ANKFN1: variants seen among roughly 807,000 people sequenced by gnomAD.
ANKFN1 encodes the protein ankyrin repeat and fibronectin type-III domain-containing protein 1.
A neutral mutation model predicts 108.7 loss-of-function variants in ANKFN1; 74 were observed. That is an observed-to-expected ratio of 0.68 (90% CI 0.56 to 0.83). The LOEUF is 0.83. Ranked by LOEUF, ANKFN1 falls within the 40% of genes least tolerant of loss-of-function variation. The pLI is 0.00. For missense variants in ANKFN1, 1,505 were observed against 1,382.3 expected (o/e 1.09, Z -1.41); for synonymous variants, 547 against 516.2 (o/e 1.06, Z -0.81).
chr17:56,181,520 A>C (rs930860340), intron 1 of ANKFN1, among the ~76,000 whole-genome samples: 1 of 152,210 alleles, frequency 6.6e-6, no homozygotes, highest in Non-Finnish European at 1.5e-5. Flanking sequence ...TGACACGACA[A>C]TAAGTGGGAG....
chr17:56,224,343 A>G (rs1172621231), intron 2 of ANKFN1, among the ~76,000 whole-genome samples: 1 of 152,228 alleles, frequency 6.6e-6, no homozygotes, highest in East Asian at 1.9e-4. Flanking sequence ...AGTAAGTAAA[A>G]TTAACATAAA....
At chr17:56,241,106 G>A (rs1055855806) in intron 3 of ANKFN1, among the ~76,000 whole-genome samples, 12 of 151,946 alleles carry the variant, frequency 7.9e-5, no homozygotes, top group Admixed American at 6.6e-4. Context: ...ACACTGTTAT[G>A]TAAGTTTTAA....
At chr17:56,118,356 G>T (rs1218640214) in intron 4 of ANKFN1, among the ~76,000 whole-genome samples, 1 of 152,136 alleles carries the variant, frequency 6.6e-6, no homozygotes, top group African/African-American at 2.4e-5. Context: ...CAGCAGCAAT[G>T]AATGAAAGTT....
At chr17:56,174,887 TC>T (rs1343294026) in intron 1 of ANKFN1, among the ~76,000 whole-genome samples, 1 of 152,176 alleles carries the variant, frequency 6.6e-6, no homozygotes, top group Non-Finnish European at 1.5e-5. Flanking sequence ...TGGGTTTTAC[TC>T]AGGTCAAAAT....
chr17:56,232,238 C>T (rs1430033735), intron 3 of ANKFN1, among the ~76,000 whole-genome samples: 2 of 152,074 alleles, frequency 1.3e-5, no homozygotes, highest in African/African-American at 4.8e-5. Context: ...TTGCATTTTT[C>T]AATGCTCCTT....
intron 14 of ANKFN1, among the ~76,000 whole-genome samples, chr17:56,464,890 A>G (rs2145276131): frequency 6.6e-6 from 1 of 152,274 alleles, no homozygotes. Context: ...GCCAACCCTG[A>G]AATTCAATAC....
At chr17:56,335,515 C>A (rs997539374) in intron 4 of ANKFN1, among the ~76,000 whole-genome samples, 6 of 151,894 alleles carry the variant, frequency 4.0e-5, no homozygotes, top group Admixed American at 1.3e-4. Context: ...ATTTGGCTCT[C>A]TGTTTGTTAT....
At chr17:56,146,700 G>A (rs138536034) in intron 4 of ANKFN1, among the ~76,000 whole-genome samples, 2,695 of 152,300 alleles carry the variant, frequency 0.018, 60 homozygotes, top group African/African-American at 0.061. Flanking sequence ...GCTGTATAAA[G>A]CAGGGAGGCC....
At chr17:56,250,709 T>C (rs2043214250) in intron 3 of ANKFN1, among the ~76,000 whole-genome samples, 1 of 152,116 alleles carries the variant, frequency 6.6e-6, no homozygotes, top group Non-Finnish European at 1.5e-5. Context: ...GCCCAAGGTT[T>C]CCCTTCTCAG....
In ANKFN1 at chr17:56,383,754, C is replaced by T. The variant is rs1322657006; in HGVS notation, c.910+9040C>T. On this transcript the variant is annotated intron_variant, in intron 8 of 20. Transcript: ENST00000682825. The stretch of plus-strand genomic sequence containing the variant: ...GAAGAAATGGATAAATTCCTGGACA[C>T]ATACACTCTCCCAAGACTAAACCAG... Among the ~76,000 whole-genome samples, 9 of 152,302 alleles carry T rather than the reference C, an allele frequency of 5.9e-5. No individual in the cohort carries two copies. In the South Asian group the frequency reaches 1.7e-3, roughly 28 times the overall value.
chr17:56,329,829 C>G (rs117442989), intron 4 of ANKFN1, among the ~76,000 whole-genome samples: 181 of 152,222 alleles, frequency 1.2e-3, no homozygotes, highest in Non-Finnish European at 2.2e-3. Context: ...GTCATAAGAA[C>G]CCTGCCCTCA....
intron 20 of ANKFN1, among the ~76,000 whole-genome samples, chr17:56,501,327 T>C (rs778617004): frequency 2.6e-5 from 4 of 152,216 alleles, no homozygotes; most frequent in Non-Finnish European, 5.9e-5. Context: ...CAAGGATTGA[T>C]ATAATCTGAT....
At chr17:56,467,070 T>G (rs9904709) in intron 15 of ANKFN1, among the ~76,000 whole-genome samples, 2 of 151,932 alleles carry the variant, frequency 1.3e-5, no homozygotes, top group Non-Finnish European at 2.9e-5. Context: ...GAGCCAAGAT[T>G]GTGCGACTGC....
intron 3 of ANKFN1, among the ~76,000 whole-genome samples, chr17:56,262,652 A>G (rs889215111): frequency 6.6e-6 from 1 of 152,290 alleles, no homozygotes; most frequent in South Asian, 2.1e-4. Context: ...CGAAGCAGAC[A>G]TAGCTCTGGC....
chr17:56,363,390 G>T (rs1363911046), intron 6 of ANKFN1, among the ~76,000 whole-genome samples: 3 of 152,148 alleles, frequency 2.0e-5, no homozygotes, highest in Non-Finnish European at 4.4e-5. Context: ...TCTAACACCT[G>T]TCAGACTGGC....
At chr17:56,064,685 C>T (rs916237635) in intron 4 of ANKFN1, among the ~76,000 whole-genome samples, 4 of 152,368 alleles carry the variant, frequency 2.6e-5, no homozygotes, top group Admixed American at 2.0e-4. Flanking sequence ...CAAGTACTGG[C>T]TGCTGCCTCT....
At chr17:56,332,489 G>A (rs1478928113) in intron 4 of ANKFN1, among the ~76,000 whole-genome samples, 5 of 152,084 alleles carry the variant, frequency 3.3e-5, no homozygotes, top group Non-Finnish European at 5.9e-5. Flanking sequence ...GGGATTGAGG[G>A]TTTTTACATT....
chr17:56,487,406 G>A (rs1470618354), intron 18 of ANKFN1, among the ~76,000 whole-genome samples: 1 of 152,130 alleles, frequency 6.6e-6, no homozygotes, highest in Non-Finnish European at 1.5e-5. Context: ...CCTGCACAGA[G>A]GAGGTCACCC....
intron 3 of ANKFN1, among the ~76,000 whole-genome samples, chr17:56,238,317 A>G (rs1401987665): frequency 6.6e-6 from 1 of 152,072 alleles, no homozygotes; most frequent in African/African-American, 2.4e-5. Context: ...TCAGGTCCTG[A>G]ACATTTTTGT....
Sources: gnomAD v4.1 joint callset for allele counts (sites outside exome capture counted in the v4.1 genomes callset) on GRCh38, gnomAD v4.1.1 for gene constraint, MANE v1.5 for transcripts, NCBI Gene and HGNC (gene_info 2026-07-23, HGNC 2026-07-21) for gene names.